The following MCC variants were observed in gnomAD, a reference collection of about 807,000 sequenced individuals.
MCC encodes colorectal mutant cancer protein.
MCC carries 90 observed loss-of-function variants against 116.2 expected under a neutral mutation model. That is an observed-to-expected ratio of 0.77 (90% confidence interval 0.65 to 0.92). MCC has a LOEUF of 0.92. Among genes scored for constraint, MCC ranks in the 40% least tolerant of loss-of-function variants. The pLI is 0.00. For synonymous variants in MCC, 578 were observed against 510.5 expected (o/e 1.13, Z -1.78); for missense variants, 1,516 against 1,312.2 (o/e 1.16, Z -2.40).
chr5:113,218,992 G>A (rs995415710), intron 3 of MCC, among the ~76,000 whole-genome samples: 1 of 152,192 alleles, frequency 6.6e-6, no homozygotes, highest in South Asian at 2.1e-4. Flanking sequence ...GAGTAAAGGT[G>A]AAGAGTCTAA....
intron 3 of MCC, among the ~76,000 whole-genome samples, chr5:113,163,504 T>C (rs563391469): frequency 6.6e-6 from 1 of 152,034 alleles, no homozygotes. Flanking sequence ...TCCTCCTTTT[T>C]TCCTGTAACC....
chr5:113,329,794 T>C (rs1202641420), intron 3 of MCC, among the ~76,000 whole-genome samples: 1 of 152,114 alleles, frequency 6.6e-6, no homozygotes, highest in Non-Finnish European at 1.5e-5. Flanking sequence ...TCCACTCACC[T>C]CCAGTCCATC....
intron 1 of MCC, chr5:113,433,710 A>G (rs1053880829): frequency 8.1e-6 from 13 of 1,596,476 alleles, no homozygotes; most frequent in Non-Finnish European, 1.1e-5. Context: ...CGTGAGCTCC[A>G]TCTCATTCCC....
At chr5:113,084,702 C>T (rs1755084567) in intron 9 of MCC, among the ~76,000 whole-genome samples, 1 of 152,206 alleles carries the variant, frequency 6.6e-6, no homozygotes, top group Non-Finnish European at 1.5e-5. Context: ...GGCAGTGAGT[C>T]AGTGGGGCTA....
intron 17 of MCC, among the ~76,000 whole-genome samples, chr5:113,030,402 G>A (rs976134362): frequency 4.6e-5 from 7 of 152,120 alleles, no homozygotes; most frequent in African/African-American, 1.7e-4. Flanking sequence ...TGGAGGGCTG[G>A]GGGCAGTGAC....
intron 3 of MCC, among the ~76,000 whole-genome samples, chr5:113,209,789 G>C (rs903678738): frequency 1.3e-5 from 2 of 151,886 alleles, no homozygotes; most frequent in Non-Finnish European, 2.9e-5. Context: ...GTTTATGGTC[G>C]GGCTCCCATT....
chr5:113,258,283 T>C (rs925177321), intron 3 of MCC, among the ~76,000 whole-genome samples: 6 of 152,246 alleles, frequency 3.9e-5, no homozygotes, highest in Non-Finnish European at 7.3e-5. Flanking sequence ...GTTCTTTCTG[T>C]GGGTGGCACT....
chr5:113,442,755 A>C (rs1771079660), intron 1 of MCC, among the ~76,000 whole-genome samples: 1 of 152,206 alleles, frequency 6.6e-6, no homozygotes, highest in Non-Finnish European at 1.5e-5. Context: ...TCAAATAGGG[A>C]ATCCTTTCCC....
At chr5:113,271,772 A>G (rs1765627695) in intron 3 of MCC, among the ~76,000 whole-genome samples, 1 of 152,176 alleles carries the variant, frequency 6.6e-6, no homozygotes, top group Non-Finnish European at 1.5e-5. Context: ...GAAAAGGATG[A>G]GTCTGTCCCC....
chr5:113,093,139 C>T (rs1159092784), intron 8 of MCC, among the ~76,000 whole-genome samples: 3 of 152,176 alleles, frequency 2.0e-5, no homozygotes, highest in Non-Finnish European at 4.4e-5. Context: ...AAAACACTAT[C>T]TTAGGACATG....
intron 1 of MCC, among the ~76,000 whole-genome samples, chr5:113,412,283 A>T (rs1441084063): frequency 6.6e-6 from 1 of 152,150 alleles, no homozygotes; most frequent in African/African-American, 2.4e-5. Flanking sequence ...ATGAACTTTA[A>T]AGTAGTTTTT....
intron 1 of MCC, among the ~76,000 whole-genome samples, chr5:113,416,277 G>C (rs1387436028): frequency 6.6e-6 from 1 of 152,156 alleles, no homozygotes; most frequent in Non-Finnish European, 1.5e-5. Flanking sequence ...TGGAGAGCTG[G>C]GTGTGCTGGC....
In MCC at chr5:113,056,037, T is replaced by A. The variant is rs75531690; in HGVS notation, c.2214-2078A>T. 2.4e-4 allele frequency among the ~76,000 whole-genome samples: 37 copies of A among 152,326 alleles called. 1 individual carries two copies. In the East Asian group the frequency reaches 6.2e-3, roughly 25 times the overall value. ...GCCAATTCCTTAAAATAAATCACTG[T>A]TTGCGATTTACTAGAATCTATATCA... On this transcript the variant is annotated intron_variant, in intron 14 of 18. Transcript: ENST00000408903.
chr5:113,207,033 T>C (rs1401034005), intron 3 of MCC, among the ~76,000 whole-genome samples: 1 of 152,206 alleles, frequency 6.6e-6, no homozygotes, highest in Non-Finnish European at 1.5e-5. Context: ...ATGAGAGCCT[T>C]TGTGTAGTGG....
intron 6 of MCC, among the ~76,000 whole-genome samples, chr5:113,118,466 G>C (rs751214654): frequency 6.6e-6 from 1 of 152,200 alleles, no homozygotes; most frequent in East Asian, 1.9e-4. Context: ...CTCCAGGCTT[G>C]GAAGACAGTG....
At chr5:113,071,638 C>T (rs910660386) in intron 11 of MCC, among the ~76,000 whole-genome samples, 3 of 152,214 alleles carry the variant, frequency 2.0e-5, no homozygotes, top group African/African-American at 7.2e-5. Flanking sequence ...AGACAGCAGT[C>T]ATGGCTATTT....
At chr5:113,447,312 C>T (rs900387535) in intron 1 of MCC, among the ~76,000 whole-genome samples, 4 of 152,186 alleles carry the variant, frequency 2.6e-5, no homozygotes, top group African/African-American at 9.6e-5. Context: ...TTAGTTGAAG[C>T]ATATGGCTGC....
intron 1 of MCC, among the ~76,000 whole-genome samples, chr5:113,463,883 AAC>A: frequency 6.6e-6 from 1 of 152,210 alleles, no homozygotes; most frequent in East Asian, 1.9e-4. Flanking sequence ...AAAATATTCT[AAC>A]ACTCAATAGC....
chr5:113,193,207 CTTATGAAGACCCT>C (rs1185606443), intron 3 of MCC, among the ~76,000 whole-genome samples: 1 of 152,258 alleles, frequency 6.6e-6, no homozygotes, highest in Non-Finnish European at 1.5e-5. Context: ...CTCCCTCCCT[CTTATGAAGACCCT>C]TTTGATTACA....
Sources: gnomAD v4.1 joint callset for allele counts (sites outside exome capture counted in the v4.1 genomes callset) on GRCh38, gnomAD v4.1.1 for gene constraint, MANE v1.5 for transcripts, NCBI Gene and HGNC (gene_info 2026-07-23, HGNC 2026-07-21) for gene names.